SLC4A10: variants seen among roughly 807,000 people sequenced by gnomAD.
The protein encoded by SLC4A10 is solute carrier family 4 member 10.
In SLC4A10, 42 loss-of-function variants were observed where a neutral mutation model predicts 137.7. The observed-to-expected ratio is 0.30, with a 90% confidence interval of 0.24 to 0.39. The LOEUF (loss-of-function observed/expected upper bound fraction) is 0.39. Among genes scored for constraint, SLC4A10 ranks in the 10% least tolerant of loss-of-function variants. SLC4A10 has a pLI of 1.00. For synonymous variants in SLC4A10, 474 were observed against 464.1 expected (o/e 1.02, Z -0.27); for missense variants, 925 against 1,355.0 (o/e 0.68, Z 4.98).
At chr2:161,728,245 A>T (rs2046430843) in intron 1 of SLC4A10, among the ~76,000 whole-genome samples, 1 of 152,190 alleles carries the variant, frequency 6.6e-6, no homozygotes, top group Non-Finnish European at 1.5e-5. Context: ...TTCAGTCCTA[A>T]ACTGAATTCA....
At chr2:161,840,480 A>G (rs1257384669) in intron 4 of SLC4A10, among the ~76,000 whole-genome samples, 1 of 152,220 alleles carries the variant, frequency 6.6e-6, no homozygotes, top group Non-Finnish European at 1.5e-5. Flanking sequence ...ACATTGCTAT[A>G]TAATTGATAG....
At chr2:161,840,226 T>C (rs1202790899) in intron 4 of SLC4A10, among the ~76,000 whole-genome samples, 1 of 152,216 alleles carries the variant, frequency 6.6e-6, no homozygotes, top group Non-Finnish European at 1.5e-5. Flanking sequence ...TTTCTATTTT[T>C]TCAGCTGCTG....
intron 1 of SLC4A10, among the ~76,000 whole-genome samples, chr2:161,647,238 T>C (rs1335462013): frequency 1.3e-5 from 2 of 152,052 alleles, no homozygotes; most frequent in African/African-American, 4.8e-5. Flanking sequence ...CCTATCATGT[T>C]TAATGGTATA....
chr2:161,788,934 C>T (rs2053920284), intron 2 of SLC4A10, among the ~76,000 whole-genome samples: 1 of 152,224 alleles, frequency 6.6e-6, no homozygotes, highest in Non-Finnish European at 1.5e-5. Context: ...ACAGTGCCTG[C>T]ACTGAGGGCT....
At position 161,947,523 on chromosome 2, in the gene SLC4A10, G is replaced by A. The variant is rs776151174; in HGVS notation, c.2104-43G>A. 4.7e-5 allele frequency: 75 copies of A among 1,584,538 alleles called. No homozygotes were observed. The Admixed American group carries it at 9.5e-4, about 20-fold the overall frequency. On this transcript the variant is annotated intron_variant, in intron 16 of 26. Transcript: ENST00000446997. ...TTAGTTTTCTGCAAGAAATGTGTCC[G>A]GTTTTTTCTTAGTAGCTCCATTTGT...
chr2:161,839,625 A>G (rs2059050722), intron 3 of SLC4A10, among the ~76,000 whole-genome samples, 164 bp from the exon 4 acceptor site: 1 of 152,076 alleles, frequency 6.6e-6, no homozygotes, highest in South Asian at 2.1e-4. Flanking sequence ...ATTTGGTTTT[A>G]GTTCCTGAGT....
Position 161,780,905 on chromosome 2 carries a change from T to C in SLC4A10, c.130+9851T>C, listed in dbSNP as rs530614079. Among the ~76,000 whole-genome samples, 5 of 152,114 alleles carry C rather than the reference T, an allele frequency of 3.3e-5. No individual in the cohort carries two copies. In the South Asian group the frequency reaches 1.0e-3, roughly 32 times the overall value. On this transcript the variant is annotated intron_variant, in intron 2 of 26. Transcript: ENST00000446997. Reference sequence around the variant, plus strand: ...AAAAAATACATATCTAAAAGGATAATCTGATGTTGTAAAATTATAAATTCT... The same window carrying C: ...AAAAAATACATATCTAAAAGGATAACCTGATGTTGTAAAATTATAAATTCT...
At chr2:161,677,517 A>G (rs2040396997) in intron 1 of SLC4A10, among the ~76,000 whole-genome samples, 1 of 152,210 alleles carries the variant, frequency 6.6e-6, no homozygotes, top group Non-Finnish European at 1.5e-5. Context: ...AATATTTTTC[A>G]AGAACATACT....
At position 161,854,994 on chromosome 2, in the gene SLC4A10, G is replaced by A. The variant is rs896883260; in HGVS notation, c.441G>A (p.Val147=). 3.8e-5 allele frequency: 61 copies of A among 1,612,572 alleles called. No individual in the cohort carries two copies. The highest frequency in any genetic ancestry group is 1.7e-5 in the Admixed American group (1 of 59,834). The change falls in exon 5 of 27, where the codon GTG becomes GTA. Residue 147 remains valine, a synonymous_variant. Transcript: ENST00000446997. ...TARWLKFEED[V]EDGGERWSKP... ...GGTGGTTGAAGTTTGAAGAAGATGT[G>A]GAAGATGGAGGAGAAAGGTGGAGCA...
chr2:161,935,541 T>C (rs1691429716), intron 15 of SLC4A10, among the ~76,000 whole-genome samples: 1 of 152,208 alleles, frequency 6.6e-6, no homozygotes, highest in Non-Finnish European at 1.5e-5. Flanking sequence ...ATGTGTCCTC[T>C]ACAATTATTT....
intron 1 of SLC4A10, among the ~76,000 whole-genome samples, chr2:161,694,986 G>C (rs935001499): frequency 5.3e-5 from 8 of 151,474 alleles, no homozygotes; most frequent in African/African-American, 1.9e-4. Context: ...TAATTCTCCA[G>C]GTATCTATAA....
intron 2 of SLC4A10, among the ~76,000 whole-genome samples, chr2:161,775,790 A>AT (rs991391440): frequency 3.2e-4 from 48 of 150,938 alleles, no homozygotes; most frequent in African/African-American, 9.2e-4. Context: ...TTTAATGGAT[A>AT]TTTTTTTTTC....
chr2:161,763,862 A>G (rs1326792129), intron 1 of SLC4A10, among the ~76,000 whole-genome samples: 1 of 152,154 alleles, frequency 6.6e-6, no homozygotes, highest in East Asian at 1.9e-4. Flanking sequence ...CGTAATAGCT[A>G]ATAAAAAGGC....
intron 1 of SLC4A10, among the ~76,000 whole-genome samples, chr2:161,645,713 C>G (rs1387590713): frequency 6.6e-6 from 1 of 151,782 alleles, no homozygotes; most frequent in Non-Finnish European, 1.5e-5. Flanking sequence ...ATAATATTCC[C>G]CAAAAATTTA....
chr2:161,643,899 AAG>A (rs1248882161), intron 1 of SLC4A10, among the ~76,000 whole-genome samples: 1 of 152,130 alleles, frequency 6.6e-6, no homozygotes, highest in Non-Finnish European at 1.5e-5. Flanking sequence ...GATTCAAAAT[AAG>A]AGAGATGGTT....
At chr2:161,826,463 A>G (rs569948162) in intron 3 of SLC4A10, among the ~76,000 whole-genome samples, 2 of 152,330 alleles carry the variant, frequency 1.3e-5, no homozygotes, top group African/African-American at 4.8e-5. Flanking sequence ...GGCATGATAA[A>G]TATATATTCT....
chr2:161,694,770 A>G (rs1180906275), intron 1 of SLC4A10, among the ~76,000 whole-genome samples: 1 of 152,090 alleles, frequency 6.6e-6, no homozygotes, highest in East Asian at 1.9e-4. Flanking sequence ...AGTCAACAGA[A>G]AATAAAGTTG....
chr2:161,863,497 T>C (rs2060550828), intron 6 of SLC4A10, among the ~76,000 whole-genome samples: 1 of 152,206 alleles, frequency 6.6e-6, no homozygotes, highest in African/African-American at 2.4e-5. Context: ...GGTTTCATGT[T>C]GCTCATAGTC....
intron 10 of SLC4A10, among the ~76,000 whole-genome samples, chr2:161,892,919 A>G (rs1224028224): frequency 1.3e-5 from 2 of 152,130 alleles, no homozygotes; most frequent in Admixed American, 6.6e-5. Flanking sequence ...CTAAAATATT[A>G]ATGGCTTAAA....
Sources: gnomAD v4.1 joint callset for allele counts (sites outside exome capture counted in the v4.1 genomes callset) on GRCh38, gnomAD v4.1.1 for gene constraint, MANE v1.5 for transcripts, NCBI Gene and HGNC (gene_info 2026-07-23, HGNC 2026-07-21) for gene names.